Variants in EYA4 observed in about 807,000 individuals in gnomAD.
EYA4 encodes the protein EYA transcriptional coactivator and phosphatase 4, also known as protein phosphatase EYA4.
EYA4 carries 31 observed loss-of-function variants against 87.9 expected under a neutral mutation model. That is an observed-to-expected ratio of 0.35 (90% CI 0.27 to 0.48). The LOEUF (loss-of-function observed/expected upper bound fraction) is 0.48, where lower values mean the gene tolerates loss of function less well. Ranked by LOEUF, EYA4 falls within the 20% of genes least tolerant of loss-of-function variation. The pLI is 0.99. For missense variants in EYA4, 678 were observed against 761.4 expected, an observed-to-expected ratio of 0.89 and a Z score of 1.29; for synonymous variants, 263 against 270.6, an observed-to-expected ratio of 0.97 and a Z score of 0.28.
intron 1 of EYA4, among the ~76,000 whole-genome samples, chr6:133,244,343 A>G (rs558437195): frequency 2.0e-5 from 3 of 152,124 alleles, no homozygotes; most frequent in Non-Finnish European, 4.4e-5. Context: ...CCAAAATAAA[A>G]CGTCTCACAT....
chr6:133,256,733 G>A (rs936160533), intron 1 of EYA4, among the ~76,000 whole-genome samples: 6 of 152,072 alleles, frequency 3.9e-5, no homozygotes, highest in African/African-American at 1.2e-4. Context: ...AAAGTAATCT[G>A]ATAGATACAG....
At chr6:133,409,106 C>T (rs1338186201) in intron 3 of EYA4, among the ~76,000 whole-genome samples, 1 of 152,126 alleles carries the variant, frequency 6.6e-6, no homozygotes, top group African/African-American at 2.4e-5. Flanking sequence ...AAGGTCTACT[C>T]AAGGGTGGGT....
intron 3 of EYA4, among the ~76,000 whole-genome samples, chr6:133,444,164 C>A (rs879623639): frequency 2.0e-5 from 3 of 152,160 alleles, no homozygotes; most frequent in Non-Finnish European, 2.9e-5. Flanking sequence ...ATAGACTTAT[C>A]TGTTTCTTCC....
intron 2 of EYA4, among the ~76,000 whole-genome samples, chr6:133,290,496 A>G (rs960422353): frequency 5.3e-5 from 8 of 152,202 alleles, no homozygotes; most frequent in South Asian, 2.1e-4. Flanking sequence ...TTATTTTTCA[A>G]TCTGCTAATG....
intron 3 of EYA4, among the ~76,000 whole-genome samples, chr6:133,425,564 C>G (rs1790597204): frequency 6.6e-6 from 1 of 150,722 alleles, no homozygotes; most frequent in Admixed American, 6.6e-5. Context: ...TTGTTCAAAT[C>G]TTTTCCTAAC....
chr6:133,353,518 G>A (rs984448968), intron 2 of EYA4, among the ~76,000 whole-genome samples: 1 of 152,108 alleles, frequency 6.6e-6, no homozygotes, highest in Non-Finnish European at 1.5e-5. Flanking sequence ...TTGTTCTGTA[G>A]GATCAAGGAC....
intron 2 of EYA4, among the ~76,000 whole-genome samples, chr6:133,367,445 A>G (rs1034064425): frequency 2.0e-4 from 30 of 152,224 alleles, no homozygotes; most frequent in African/African-American, 7.0e-4. Flanking sequence ...ACCAAACTTA[A>G]CAGGTGTCAT....
chr6:133,524,913 G>A (rs1227914341), intron 18 of EYA4: 6 of 972,806 alleles, frequency 6.2e-6, no homozygotes, highest in Non-Finnish European at 1.0e-5. Context: ...GAGGTTGTGA[G>A]CCAGTTCAAG....
At chr6:133,466,708 T>C (rs1301944362) in intron 10 of EYA4, among the ~76,000 whole-genome samples, 1 of 151,882 alleles carries the variant, frequency 6.6e-6, no homozygotes, top group Non-Finnish European at 1.5e-5. Flanking sequence ...CAGTGGTGTT[T>C]CAGGCAAAGA....
chr6:133,530,479 T>A lies in EYA4; in HGVS notation c.*1674T>A. On this transcript the variant is annotated 3_prime_UTR_variant, in exon 20 of 20. Transcript: ENST00000355286. Reference sequence around the variant, plus strand: ...GTGTCTGCACCTGCAGTTCTGTGTTTAAAATGTCATAATGTGGATCCTGGA... The same window carrying A: ...GTGTCTGCACCTGCAGTTCTGTGTTAAAAATGTCATAATGTGGATCCTGGA... 1.0e-6 allele frequency: 1 copy of A among 985,832 alleles called. No homozygotes were observed. Among genetic ancestry groups the A allele is most frequent in the Non-Finnish European group, 1.2e-6 (1 of 829,922 alleles). 61.1% of individuals were successfully genotyped at this position (985,832 alleles called of 1,614,324 possible).
intron 3 of EYA4, among the ~76,000 whole-genome samples, chr6:133,404,635 C>T (rs576288606): frequency 4.3e-4 from 66 of 152,296 alleles, no homozygotes; most frequent in African/African-American, 1.4e-3. Context: ...GAGAGCAATT[C>T]CAGTTGTTGG....
At chr6:133,382,777 T>C (rs1562355245) in intron 3 of EYA4, among the ~76,000 whole-genome samples, 1 of 145,072 alleles carries the variant, frequency 6.9e-6, no homozygotes, top group African/African-American at 2.5e-5. Context: ...ACTGAATAAC[T>C]GTCAAATCTG....
At chr6:133,279,453 G>C (rs12192839) in intron 2 of EYA4, among the ~76,000 whole-genome samples, 21,634 of 151,888 alleles carry the variant, frequency 0.14, 1,983 homozygotes, top group Non-Finnish European at 0.2. Context: ...ATTCATTTCT[G>C]TGTCCATTTT....
chr6:133,269,556 T>C (rs1428860837), intron 1 of EYA4, among the ~76,000 whole-genome samples: 1 of 152,176 alleles, frequency 6.6e-6, no homozygotes, highest in Non-Finnish European at 1.5e-5. Flanking sequence ...ACATTTTAAA[T>C]TTCTCTTGTA....
intron 13 of EYA4, among the ~76,000 whole-genome samples, chr6:133,505,223 T>G (rs2128757819): frequency 6.6e-6 from 1 of 152,300 alleles, no homozygotes; most frequent in African/African-American, 2.4e-5. Context: ...CCTATTCCCA[T>G]CCCTATCCCC....
At chr6:133,397,770 C>T (rs779100243) in intron 3 of EYA4, among the ~76,000 whole-genome samples, 3 of 152,074 alleles carry the variant, frequency 2.0e-5, no homozygotes, top group Non-Finnish European at 2.9e-5. Context: ...ACAATTATGG[C>T]GGAAGGCAAA....
At chr6:133,487,203 A>G (rs1234609490) in intron 13 of EYA4, among the ~76,000 whole-genome samples, 7 of 152,218 alleles carry the variant, frequency 4.6e-5, no homozygotes, top group Non-Finnish European at 1.0e-4. Context: ...GACCAGTCCT[A>G]GCTAGAGAAG....
rs114568450 is a variant in EYA4 at position 133,474,296 on chromosome 6, G to A, written c.970+5565G>A. Among the ~76,000 whole-genome samples, 510 of 152,072 alleles carry A rather than the reference G, an allele frequency of 3.4e-3. 3 individuals are homozygous for A. Among genetic ancestry groups the A allele is most frequent in the African/African-American group, 0.011 (465 of 41,502 alleles). ...TTTGCTCCAATTTCCATATAATCACGAGAAAGCTTCTCTGCAGGAAAAACA... is the reference window on the plus strand; with the variant it reads ...TTTGCTCCAATTTCCATATAATCACAAGAAAGCTTCTCTGCAGGAAAAACA... On this transcript the variant is annotated intron_variant, in intron 11 of 19. Transcript: ENST00000355286.
intron 1 of EYA4, among the ~76,000 whole-genome samples, chr6:133,257,500 A>G (rs1048833520): frequency 2.0e-5 from 3 of 152,336 alleles, no homozygotes; most frequent in African/African-American, 7.2e-5. Flanking sequence ...GTATTATTTT[A>G]CATCAGATTC....
Sources: gnomAD v4.1 joint callset for allele counts (sites outside exome capture counted in the v4.1 genomes callset) on GRCh38, gnomAD v4.1.1 for gene constraint, MANE v1.5 for transcripts, NCBI Gene and HGNC (gene_info 2026-07-23, HGNC 2026-07-21) for gene names.